DMD: variants seen among roughly 807,000 people sequenced by gnomAD.
The protein encoded by DMD is mutant dystrophin.
DMD carries 63 observed loss-of-function variants against 330.1 expected under a neutral mutation model. The ratio of observed to expected loss-of-function variants is 0.19; its 90% confidence interval spans 0.16 to 0.24. The LOEUF is 0.24. Among genes scored for constraint, DMD ranks in the 10% least tolerant of loss-of-function variants. The pLI, the probability that DMD is intolerant of heterozygous loss-of-function variation, is 1.00. For missense variants in DMD, 3,344 were observed against 2,684.1 expected, an observed-to-expected ratio of 1.25 and a Z score of -5.43; for synonymous variants, 1,223 against 959.8, an observed-to-expected ratio of 1.27 and a Z score of -5.07.
At chrX:31,279,962 C>T (rs1279384105) in intron 62 of DMD, among the ~76,000 whole-genome samples, 2 of 112,309 alleles carry the variant, frequency 1.8e-5, no homozygotes, top group Non-Finnish European at 3.8e-5. Context: ...ACTATGTTGT[C>T]CTTTACAGAA....
intron 57 of DMD, 104 bp from the exon 58 acceptor site, chrX:31,479,207 C>T: frequency 1.1e-6 from 1 of 943,310 alleles, no homozygotes; most frequent in Non-Finnish European, 1.5e-6. Context: ...AGGTCAATTT[C>T]TATCTCTTTT....
At chrX:33,240,074 C>T (rs2052562817) in intron 1 of DMD, among the ~76,000 whole-genome samples, 1 of 111,244 alleles carries the variant, frequency 9.0e-6, no homozygotes, top group Non-Finnish European at 1.9e-5. Context: ...ATCTGAAACA[C>T]TTCAGGTCCC....
chrX:31,507,510 G>A lies in DMD; in HGVS notation c.8218-57C>T, dbSNP rs1052507303. The A allele has an allele frequency of 2.5e-5, 27 of 1,079,879 alleles. No homozygotes were observed. In the Admixed American group the frequency reaches 2.8e-4, roughly 11 times the overall value. 89.0% of individuals were successfully genotyped at this position (1,079,879 alleles called of 1,213,427 possible). A position where few individuals can be genotyped will look rare whatever the true frequency, so the allele number is the denominator to read the frequency against. The stretch of plus-strand genomic sequence containing the variant: ...GAATTACCAAACAAAAGAAACAAGC[G>A]ATGAATGTGAATTTGGAGAATTGCA... On this transcript the variant is annotated intron_variant, in intron 55 of 78. Transcript: ENST00000357033.
intron 33 of DMD, among the ~76,000 whole-genome samples, chrX:32,382,687 G>A (rs1433134477): frequency 2.8e-5 from 3 of 108,699 alleles, no homozygotes; most frequent in Non-Finnish European, 3.8e-5. Flanking sequence ...GGGGTGTGTG[G>A]GGGGTGAGGG....
At chrX:31,713,838 A>C (rs2084824834) in intron 52 of DMD, among the ~76,000 whole-genome samples, 1 of 111,991 alleles carries the variant, frequency 8.9e-6, no homozygotes, top group Admixed American at 9.5e-5. Flanking sequence ...CATTTGATGA[A>C]TGTGTGAATA....
At chrX:32,263,074 C>G (rs2097330005) in intron 43 of DMD, among the ~76,000 whole-genome samples, 1 of 112,172 alleles carries the variant, frequency 8.9e-6, no homozygotes, top group African/African-American at 3.2e-5. Context: ...TCTAAGATAA[C>G]AACCTAATAT....
intron 44 of DMD, among the ~76,000 whole-genome samples, chrX:32,001,794 C>T (rs957367727): frequency 2.7e-5 from 3 of 111,203 alleles, no homozygotes; most frequent in African/African-American, 3.3e-5. Flanking sequence ...AAACAGTGGC[C>T]GGAAAAACGT....
chrX:32,068,960 G>T (rs1466227443), intron 44 of DMD, among the ~76,000 whole-genome samples: 1 of 111,482 alleles, frequency 9.0e-6, no homozygotes, highest in Non-Finnish European at 1.9e-5. Flanking sequence ...AATCAATATT[G>T]TTCAGAGACA....
chrX:32,767,852 A>G (rs1397111679), intron 7 of DMD, among the ~76,000 whole-genome samples: 3 of 111,853 alleles, frequency 2.7e-5, no homozygotes, highest in Non-Finnish European at 5.7e-5. Context: ...ATGCTCATCT[A>G]TATATATACA....
intron 45 of DMD, among the ~76,000 whole-genome samples, chrX:31,958,490 G>C (rs1389151878): frequency 7.2e-5 from 8 of 111,137 alleles, no homozygotes; most frequent in South Asian, 3.8e-4. Context: ...TATTTTGTTT[G>C]TCAACCCTTC....
At chrX:32,293,252 G>A (rs1176944325) in intron 42 of DMD, among the ~76,000 whole-genome samples, 1 of 112,509 alleles carries the variant, frequency 8.9e-6, no homozygotes, top group Non-Finnish European at 1.9e-5. Context: ...TCATTGGAAT[G>A]TGTGTGATGT....
At chrX:31,233,068 A>C (rs1269146781) in intron 63 of DMD, among the ~76,000 whole-genome samples, 6 of 111,945 alleles carry the variant, frequency 5.4e-5, no homozygotes, top group African/African-American at 1.6e-4. Flanking sequence ...TGCTGCAGTT[A>C]CAACTACTCC....
chrX:32,524,071 C>T (rs961221889), intron 17 of DMD, among the ~76,000 whole-genome samples: 7 of 108,466 alleles, frequency 6.5e-5, no homozygotes, highest in African/African-American at 1.0e-4. Context: ...TAGCTGGGAC[C>T]ACAGGCGCCC....
intron 52 of DMD, among the ~76,000 whole-genome samples, chrX:31,709,332 T>G (rs774151899): frequency 9.0e-6 from 1 of 111,623 alleles, no homozygotes; most frequent in East Asian, 2.8e-4. Context: ...TACAAAGAGT[T>G]TGAGACTAAG....
At chrX:32,533,143 G>A (rs943869955) in intron 17 of DMD, among the ~76,000 whole-genome samples, 1 of 110,778 alleles carries the variant, frequency 9.0e-6, no homozygotes, top group Non-Finnish European at 1.9e-5. Context: ...AGGTAAGATG[G>A]CCTCTCTCTC....
intron 51 of DMD, among the ~76,000 whole-genome samples, chrX:31,749,403 T>C (rs975802118): frequency 2.9e-5 from 3 of 102,361 alleles, no homozygotes; most frequent in Non-Finnish European, 4.0e-5. Flanking sequence ...GTTTGGTTTT[T>C]TGTTCTTGCA....
rs764588814 is a variant in DMD, at chrX:32,491,795, CTT to C, written c.2381-279_2381-278del. Among the ~76,000 whole-genome samples, 409 of 111,293 alleles carry C rather than the reference CTT, an allele frequency of 3.7e-3. 1 individual carries two copies. The highest frequency in any genetic ancestry group is 0.014 in the Middle Eastern group (3 of 213). ...ATGTAAATAAAATATTAAATAAAAA[CTT>C]AAATAAAAACAAAAGTGCTCAAAGC... On this transcript the variant is annotated intron_variant, in intron 19 of 78. Coordinates refer to ENST00000357033, the MANE Select transcript of DMD (RefSeq NM_004006.3).
At chrX:31,561,187 A>G (rs764851605) in intron 55 of DMD, among the ~76,000 whole-genome samples, 11 of 112,191 alleles carry the variant, frequency 9.8e-5, no homozygotes, top group African/African-American at 3.6e-4. Flanking sequence ...ACAAGCTTGA[A>G]CAGCTGTAGC....
At chrX:32,435,293 T>C (rs1456977076) in intron 29 of DMD, among the ~76,000 whole-genome samples, 1 of 100,594 alleles carries the variant, frequency 9.9e-6, no homozygotes, top group Non-Finnish European at 2.0e-5. Context: ...TATATATATA[T>C]ATATTTACAC....
Sources: gnomAD v4.1 joint callset for allele counts (sites outside exome capture counted in the v4.1 genomes callset) on GRCh38, gnomAD v4.1.1 for gene constraint, MANE v1.5 for transcripts, NCBI Gene and HGNC (gene_info 2026-07-23, HGNC 2026-07-21) for gene names.